CLVS1: variants seen among roughly 807,000 people sequenced by gnomAD.
CLVS1 encodes the protein clavesin 1.
Under a neutral mutation model 33.1 loss-of-function variants are expected in CLVS1, and 10 were observed. The observed-to-expected ratio is 0.30, with a 90% CI of 0.19 to 0.51. The LOEUF (loss-of-function observed/expected upper bound fraction) is 0.51, where lower values mean the gene tolerates loss of function less well. CLVS1 is among the 20% of genes least tolerant of loss of function. The probability of loss-of-function intolerance (pLI) is 0.97; values close to 1 mark genes in which losing one functional copy is unlikely to be tolerated. For synonymous variants in CLVS1, 163 were observed against 166.1 expected, an observed-to-expected ratio of 0.98 and a Z score of 0.14; for missense variants, 343 against 433.4, an observed-to-expected ratio of 0.79 and a Z score of 1.85.
intron 2 of CLVS1, among the ~76,000 whole-genome samples, chr8:61,255,848 A>G (rs930312869): frequency 1.3e-5 from 2 of 152,246 alleles, no homozygotes; most frequent in African/African-American, 4.8e-5. Context: ...AAATCAAAGT[A>G]TCATCTTTGG....
chr8:61,134,218 C>T (rs1337223365), intron 2 of CLVS1, among the ~76,000 whole-genome samples: 3 of 152,152 alleles, frequency 2.0e-5, no homozygotes, highest in Admixed American at 6.5e-5. Context: ...CTCCACTCTG[C>T]TCAGCACATG....
At chr8:61,442,941 G>A (rs1254605421) in intron 3 of CLVS1, among the ~76,000 whole-genome samples, 1 of 152,144 alleles carries the variant, frequency 6.6e-6, no homozygotes, top group Non-Finnish European at 1.5e-5. Context: ...TGGATTTGTA[G>A]TGTGATATCT....
At chr8:61,481,474 C>A (rs1586038508) in intron 5 of CLVS1, among the ~76,000 whole-genome samples, 2 of 152,168 alleles carry the variant, frequency 1.3e-5, no homozygotes, top group African/African-American at 4.8e-5. Context: ...CAGATCGTAC[C>A]TGGAAAATCT....
At chr8:61,351,025 C>T (rs562605119) in intron 2 of CLVS1, among the ~76,000 whole-genome samples, 7 of 152,112 alleles carry the variant, frequency 4.6e-5, no homozygotes, top group Non-Finnish European at 1.0e-4. Context: ...CTTGTTTTCC[C>T]TTGCAGATCA....
chr8:60,978,881 C>G, the CLVS1 span, among the ~76,000 whole-genome samples: 1 of 147,624 alleles, frequency 6.8e-6, no homozygotes, highest in Non-Finnish European at 1.5e-5. Flanking sequence ...AAATGGTACA[C>G]TATAACACTA....
intron 3 of CLVS1, among the ~76,000 whole-genome samples, chr8:61,452,777 G>A (rs1023393449): frequency 3.3e-5 from 5 of 152,172 alleles, no homozygotes; most frequent in Non-Finnish European, 7.3e-5. Flanking sequence ...GTCCAGTTTA[G>A]CCTTCAAAAT....
chr8:60,999,892 T>A, the CLVS1 span, among the ~76,000 whole-genome samples: 1 of 152,194 alleles, frequency 6.6e-6, no homozygotes, highest in Non-Finnish European at 1.5e-5. Flanking sequence ...GAGAAACGAC[T>A]GGGTGAAAGC....
rs138905488 is a variant in CLVS1, at chr8:61,402,147, A to G, written c.630+25368A>G. Among the ~76,000 whole-genome samples the G allele has an allele frequency of 8.2e-3, 1,253 of 152,288 alleles. 29 individuals carry two copies. The highest frequency in any genetic ancestry group is 0.028 in the African/African-American group (1,163 of 41,576). ...AATTAAGCATACATAAATTAATAAA[A>G]ATACTGACACAATTCTAAAATTCTT... On this transcript the variant is annotated intron_variant, in intron 3 of 5. Transcript: ENST00000325897.
intron 2 of CLVS1, among the ~76,000 whole-genome samples, chr8:61,194,834 A>G (rs1807569194): frequency 6.6e-6 from 1 of 151,844 alleles, no homozygotes; most frequent in African/African-American, 2.4e-5. Context: ...TAAAACAAAA[A>G]TTTATAAATT....
At chr8:61,476,514 T>C (rs1301060454) in intron 5 of CLVS1, among the ~76,000 whole-genome samples, 2 of 152,324 alleles carry the variant, frequency 1.3e-5, no homozygotes, top group East Asian at 3.9e-4. Flanking sequence ...GTCCTTCACA[T>C]CCCTTGTAAG....
chr8:61,101,476 A>T (rs1805448174), intron 1 of CLVS1, among the ~76,000 whole-genome samples: 1 of 152,110 alleles, frequency 6.6e-6, no homozygotes, highest in Non-Finnish European at 1.5e-5. Flanking sequence ...TTGTCTTATT[A>T]TTGTTGAGTT....
intron 2 of CLVS1, among the ~76,000 whole-genome samples, chr8:61,335,664 T>A (rs1811774901): frequency 6.6e-6 from 1 of 152,240 alleles, no homozygotes; most frequent in South Asian, 2.1e-4. Flanking sequence ...AGATGACATA[T>A]AAGAATTTAT....
At chr8:61,318,649 T>C (rs866956224) in intron 2 of CLVS1, among the ~76,000 whole-genome samples, 1 of 152,240 alleles carries the variant, frequency 6.6e-6, no homozygotes. Flanking sequence ...TTTTCTTTCA[T>C]ATTTTCTAAG....
chr8:61,170,806 G>T (rs746550181), intron 2 of CLVS1, among the ~76,000 whole-genome samples: 1 of 152,126 alleles, frequency 6.6e-6, no homozygotes, highest in Non-Finnish European at 1.5e-5. Context: ...CCTCCTTAAA[G>T]AATAGAGTTC....
chr8:61,040,732 C>T, the CLVS1 span, among the ~76,000 whole-genome samples: 1 of 152,114 alleles, frequency 6.6e-6, no homozygotes, highest in Non-Finnish European at 1.5e-5. Flanking sequence ...GGATATTAGA[C>T]CTTTGTTGCA....
chr8:61,143,416 G>A (rs1477425085), intron 2 of CLVS1, among the ~76,000 whole-genome samples: 1 of 152,134 alleles, frequency 6.6e-6, no homozygotes, highest in Non-Finnish European at 1.5e-5. Context: ...CTCATTCTGG[G>A]TGGAGATTTA....
chr8:60,997,206 C>T, the CLVS1 span, among the ~76,000 whole-genome samples: 2 of 151,912 alleles, frequency 1.3e-5, no homozygotes, highest in African/African-American at 2.4e-5. Context: ...AGCTGCAGTG[C>T]GGAGAGGCCA....
At chr8:61,002,005 G>C in the CLVS1 span, among the ~76,000 whole-genome samples, 1 of 151,988 alleles carries the variant, frequency 6.6e-6, no homozygotes, top group East Asian at 1.9e-4. Context: ...TTGAGACAGG[G>C]TCTTGCTCTG....
At chr8:61,302,818 AG>A (rs1433665316) in intron 2 of CLVS1, among the ~76,000 whole-genome samples, 3 of 152,222 alleles carry the variant, frequency 2.0e-5, no homozygotes, top group African/African-American at 7.2e-5. Flanking sequence ...GGGAGGCCTC[AG>A]GAAACTTATA....
Sources: gnomAD v4.1 joint callset for allele counts (sites outside exome capture counted in the v4.1 genomes callset) on GRCh38, gnomAD v4.1.1 for gene constraint, MANE v1.5 for transcripts, NCBI Gene and HGNC (gene_info 2026-07-23, HGNC 2026-07-21) for gene names.